GCSAML: variants seen among roughly 807,000 people sequenced by gnomAD.
GCSAML encodes the protein germinal center associated signaling and motility like.
Under a neutral mutation model 13.0 loss-of-function variants are expected in GCSAML, and 9 were observed. That is an observed-to-expected ratio of 0.69 (90% confidence interval 0.42 to 1.21). GCSAML has a LOEUF of 1.21. GCSAML is among the 50% of genes most tolerant of loss of function. The pLI, the probability that GCSAML is intolerant of heterozygous loss-of-function variation, is 0.00. For missense variants in GCSAML, 143 were observed against 153.4 expected (o/e 0.93, Z 0.36); for synonymous variants, 37 against 52.9 (o/e 0.70, Z 1.31).
chr1:247,521,241 A>G (rs957694769), intron 1 of GCSAML, among the ~76,000 whole-genome samples: 3 of 152,108 alleles, frequency 2.0e-5, no homozygotes, highest in African/African-American at 7.2e-5. Flanking sequence ...AGTATTAATT[A>G]TAACAGGATT....
chr1:247,574,242 G>A lies in GCSAML; in HGVS notation c.268G>A (p.Glu90Lys). 6.2e-7 allele frequency: 1 copy of A among 1,614,100 alleles called. No individual in the cohort carries two copies. The highest frequency in any genetic ancestry group is 8.5e-7 in the Non-Finnish European group (1 of 1,179,998). ...CCTGAGCTCCAATGATGATGGCTATGAGAACATTGACTCCCTCACAAGGAA... is the reference window on the plus strand; with the variant it reads ...CCTGAGCTCCAATGATGATGGCTATAAGAACATTGACTCCCTCACAAGGAA... ...SSLSSNDDGY[E>K]NIDSLTRKVR... The change falls in exon 5 of 5, where the codon GAG becomes AAG. Residue 90 changes from glutamate to lysine, a missense_variant. Transcript: ENST00000366488.
chr1:247,513,812 C>G (rs1410415447), intron 1 of GCSAML, among the ~76,000 whole-genome samples: 1 of 152,162 alleles, frequency 6.6e-6, no homozygotes, highest in Non-Finnish European at 1.5e-5. Flanking sequence ...ATGCTCCACC[C>G]TCTTTCTGCT....
chr1:247,538,318 G>T (rs527439786), intron 2 of GCSAML, among the ~76,000 whole-genome samples: 8 of 152,270 alleles, frequency 5.3e-5, no homozygotes, highest in African/African-American at 1.9e-4. Flanking sequence ...ATGTTAGCTA[G>T]TATCTAGTCT....
chr1:247,564,699 C>T (rs1227315308), intron 3 of GCSAML, among the ~76,000 whole-genome samples: 5 of 152,130 alleles, frequency 3.3e-5, no homozygotes. Flanking sequence ...CATAAGGGCA[C>T]TTGAGATCTA....
At chr1:247,511,231 C>T (rs1666025384) in intron 1 of GCSAML, among the ~76,000 whole-genome samples, 2 of 152,122 alleles carry the variant, frequency 1.3e-5, no homozygotes, top group Non-Finnish European at 2.9e-5. Context: ...ATTCAGGATA[C>T]TTAGCTCTCC....
At chr1:247,560,309 C>G (rs1022196479) in intron 2 of GCSAML, among the ~76,000 whole-genome samples, 4 of 152,170 alleles carry the variant, frequency 2.6e-5, no homozygotes, top group Non-Finnish European at 5.9e-5. Flanking sequence ...TTATTTCTTT[C>G]CTAAAGACCT....
At chr1:247,562,179 G>T (rs1572363281) in intron 2 of GCSAML, among the ~76,000 whole-genome samples, 1 of 152,158 alleles carries the variant, frequency 6.6e-6, no homozygotes, top group Non-Finnish European at 1.5e-5. Flanking sequence ...AAGATTCTTT[G>T]ATTTGCAATT....
At chr1:247,531,940 A>G (rs748546913) in intron 2 of GCSAML, 1 of 1,614,210 alleles carries the variant, frequency 6.2e-7, no homozygotes, top group Admixed American at 1.7e-5. Context: ...GCTGGTATCC[A>G]CACAAGCCAG....
intron 2 of GCSAML, among the ~76,000 whole-genome samples, chr1:247,538,489 T>C (rs375856251): frequency 6.6e-6 from 1 of 152,220 alleles, no homozygotes; most frequent in African/African-American, 2.4e-5. Context: ...ATTCATATGT[T>C]GAAACCATAA....
In GCSAML at chr1:247,556,486, G is replaced by A; in HGVS notation, c.89+20G>A. ...AAAACGGTAAGAACAGAGCATCTCA[G>A]AGTTTTTTTGTTTTGTTTTGTTTTG... On this transcript the variant is annotated intron_variant, in intron 2 of 4. Coordinates refer to ENST00000366488, the MANE Select transcript of GCSAML (RefSeq NM_145278.5). 6.3e-7 allele frequency: 1 copy of A among 1,577,590 alleles called. No homozygotes were observed. The highest frequency in any genetic ancestry group is 8.7e-7 in the Non-Finnish European group (1 of 1,153,898).
chr1:247,516,481 C>T (rs2103303332), intron 1 of GCSAML, among the ~76,000 whole-genome samples: 1 of 151,624 alleles, frequency 6.6e-6, no homozygotes, highest in East Asian at 1.9e-4. Flanking sequence ...TCTGCAGATA[C>T]AACATGCTCA....
chr1:247,538,288 T>C (rs1217097044), intron 2 of GCSAML, among the ~76,000 whole-genome samples: 2 of 152,200 alleles, frequency 1.3e-5, no homozygotes, highest in Non-Finnish European at 2.9e-5. Flanking sequence ...AAAAATCAAG[T>C]GACATAAACC....
intron 1 of GCSAML, among the ~76,000 whole-genome samples, chr1:247,522,735 A>C (rs1666497380): frequency 6.6e-6 from 1 of 152,084 alleles, no homozygotes; most frequent in African/African-American, 2.4e-5. Flanking sequence ...AAGAGTCATC[A>C]CCACTCCCTA....
intron 2 of GCSAML, chr1:247,530,319 A>G (rs1666867942): frequency 6.6e-6 from 1 of 152,188 alleles, no homozygotes. Flanking sequence ...GAAGTTCTTT[A>G]ACATCTGGAA....
upstream of GCSAML, among the ~76,000 whole-genome samples, chr1:247,547,932 T>G (rs1667634392): frequency 6.6e-6 from 1 of 152,194 alleles, no homozygotes; most frequent in Non-Finnish European, 1.5e-5. Flanking sequence ...TGAAATGGGG[T>G]GTGTGACATT....
Position 247,563,654 on chromosome 1 carries a change from T to C in GCSAML, c.139+15T>C, listed in dbSNP as rs1314474801. 4.1e-6 allele frequency: 6 copies of C among 1,477,490 alleles called. No homozygotes were observed. Among genetic ancestry groups the C allele is most frequent in the African/African-American group, 1.4e-5 (1 of 72,146 alleles). The allele number at this position is 1,477,490 out of a possible 1,614,324, so 91.5% of individuals were successfully genotyped here. A position where few individuals can be genotyped will look rare whatever the true frequency, so the allele number is the denominator to read the frequency against. On this transcript the variant is annotated intron_variant, in intron 3 of 4. Transcript: ENST00000366488. Reference sequence around the variant, plus strand: ...AGATAAGAAAAGTAAGTCATGGCTGTATAATATTTTTCATAGTAGGGAAGT... The same window carrying C: ...AGATAAGAAAAGTAAGTCATGGCTGCATAATATTTTTCATAGTAGGGAAGT...
intron 2 of GCSAML, among the ~76,000 whole-genome samples, chr1:247,558,407 A>G (rs544014386): frequency 1.3e-5 from 2 of 152,342 alleles, no homozygotes; most frequent in African/African-American, 4.8e-5. Context: ...ATGTAGGCTT[A>G]TAGAGGTATA....
rs1411481901 is a variant in GCSAML at position 247,575,716 on chromosome 1, A to G, written c.*1334A>G. 4 of 152,224 alleles carry G rather than the reference A, an allele frequency of 2.6e-5. No homozygotes were observed. The allele number at this position is 152,224 out of a possible 1,614,324, so 9.4% of individuals were successfully genotyped here. ...GAAGGATTCTGTTCAAATATTAGTA[A>G]AAATTGAAAATAAACTTGTGCTTAT... On this transcript the variant is annotated 3_prime_UTR_variant, in exon 5 of 5. Coordinates refer to ENST00000366488, the MANE Select transcript of GCSAML (RefSeq NM_145278.5).
At chr1:247,508,727 G>T (rs1371963125) in intron 1 of GCSAML, among the ~76,000 whole-genome samples, 2 of 152,082 alleles carry the variant, frequency 1.3e-5, no homozygotes, top group Non-Finnish European at 2.9e-5. Flanking sequence ...TTTTCTGCAT[G>T]TGGCTAGCCA....
Sources: allele counts gnomAD v4.1 joint callset (sites outside exome capture counted in the v4.1 genomes callset), GRCh38; gene constraint gnomAD v4.1.1; transcripts MANE v1.5; gene names NCBI Gene and HGNC (gene_info 2026-07-23, HGNC 2026-07-21).